The following NCAM2 variants were observed in gnomAD, a reference collection of about 807,000 sequenced individuals.
NCAM2 encodes N-CAM-2.
Under a neutral mutation model 98.1 loss-of-function variants are expected in NCAM2, and 30 were observed. The observed-to-expected ratio is 0.31, with a 90% confidence interval of 0.23 to 0.41. The LOEUF (loss-of-function observed/expected upper bound fraction) is 0.41, where lower values mean the gene tolerates loss of function less well. Ranked by LOEUF, NCAM2 falls within the 10% of genes least tolerant of loss-of-function variation. NCAM2 has a pLI of 1.00. For missense variants in NCAM2, 867 were observed against 1,005.8 expected (o/e 0.86, Z 1.87); for synonymous variants, 368 against 342.4 (o/e 1.07, Z -0.83).
chr21:21,161,832 A>G (rs1387822441), intron 1 of NCAM2, among the ~76,000 whole-genome samples: 2 of 152,010 alleles, frequency 1.3e-5, no homozygotes, highest in Non-Finnish European at 2.9e-5. Context: ...CAGTCGGGCC[A>G]GGGGAAGGCT....
chr21:21,465,548 TTATAA>T (rs145042449), intron 12 of NCAM2, among the ~76,000 whole-genome samples: 6 of 35,802 alleles, frequency 1.7e-4, no homozygotes, highest in African/African-American at 2.9e-4. Flanking sequence ...ATCTAGTAAA[TTATAA>T]TATAATCATT....
chr21:21,358,184 C>T (rs1568975195), intron 8 of NCAM2, among the ~76,000 whole-genome samples: 1 of 152,014 alleles, frequency 6.6e-6, no homozygotes, highest in African/African-American at 2.4e-5. Flanking sequence ...TCTATATTTC[C>T]CTGATATTCT....
At chr21:21,365,475 T>A (rs886540437) in intron 8 of NCAM2, among the ~76,000 whole-genome samples, 1 of 151,856 alleles carries the variant, frequency 6.6e-6, no homozygotes, top group Admixed American at 6.6e-5. Context: ...ATACAAAACA[T>A]ATAGCACTCA....
chr21:21,455,775 A>C (rs1221582541), intron 12 of NCAM2, among the ~76,000 whole-genome samples: 6 of 152,018 alleles, frequency 3.9e-5, no homozygotes, highest in Non-Finnish European at 8.8e-5. Context: ...TGTGTTAAGC[A>C]ACAACAAAGG....
chr21:21,495,370 G>T (rs1364356773), intron 15 of NCAM2, among the ~76,000 whole-genome samples: 1 of 151,788 alleles, frequency 6.6e-6, no homozygotes, highest in Admixed American at 6.6e-5. Context: ...ATTCTTATAT[G>T]GTGTGTGGAA....
chr21:21,174,464 C>G (rs1466160257), intron 1 of NCAM2, among the ~76,000 whole-genome samples: 4 of 152,098 alleles, frequency 2.6e-5, no homozygotes, highest in Non-Finnish European at 5.9e-5. Flanking sequence ...CCTGTATTTT[C>G]TCTAGCAAGC....
intron 1 of NCAM2, among the ~76,000 whole-genome samples, chr21:21,032,338 A>G (rs2064703017): frequency 6.6e-6 from 1 of 152,214 alleles, no homozygotes; most frequent in Non-Finnish European, 1.5e-5. Context: ...AGCCTAATAT[A>G]TAAAATGGCT....
intron 16 of NCAM2, among the ~76,000 whole-genome samples, chr21:21,510,509 A>G: frequency 6.6e-6 from 1 of 152,230 alleles, no homozygotes; most frequent in Non-Finnish European, 1.5e-5. Flanking sequence ...TTGTATTTCA[A>G]GGACTGATGC....
At chr21:21,399,979 T>A (rs2076594291) in intron 9 of NCAM2, among the ~76,000 whole-genome samples, 1 of 152,026 alleles carries the variant, frequency 6.6e-6, no homozygotes, top group African/African-American at 2.4e-5. Flanking sequence ...CAGTACTGAC[T>A]CCAAGTTCAC....
intron 6 of NCAM2, among the ~76,000 whole-genome samples, chr21:21,327,264 C>T (rs1178599598): frequency 1.4e-5 from 2 of 145,914 alleles, no homozygotes; most frequent in East Asian, 4.1e-4. Flanking sequence ...GCTGAGTTCG[C>T]GCCACTACAC....
At chr21:21,180,036 A>G (rs2068419113) in intron 1 of NCAM2, among the ~76,000 whole-genome samples, 2 of 152,180 alleles carry the variant, frequency 1.3e-5, no homozygotes, top group Admixed American at 6.5e-5. Context: ...GCCACTTGCC[A>G]TCTGGGAGAT....
chr21:21,231,962 A>T (rs770220128), intron 1 of NCAM2, among the ~76,000 whole-genome samples: 1 of 151,588 alleles, frequency 6.6e-6, no homozygotes, highest in African/African-American at 2.4e-5. Context: ...CCATTATAAA[A>T]ACCAGCTTTC....
chr21:21,363,227 C>T (rs2075693484), intron 8 of NCAM2, among the ~76,000 whole-genome samples: 1 of 152,066 alleles, frequency 6.6e-6, no homozygotes, highest in Non-Finnish European at 1.5e-5. Flanking sequence ...AATGAAACTG[C>T]ATGCTTTTAT....
intron 1 of NCAM2, among the ~76,000 whole-genome samples, chr21:21,065,788 C>T (rs539945651): frequency 3.1e-4 from 47 of 152,188 alleles, no homozygotes; most frequent in African/African-American, 1.1e-3. Flanking sequence ...TATCCTTAGC[C>T]ATTTACAAAA....
chr21:21,059,161 T>G (rs1311944547), intron 1 of NCAM2, among the ~76,000 whole-genome samples: 1 of 152,088 alleles, frequency 6.6e-6, no homozygotes, highest in Non-Finnish European at 1.5e-5. Flanking sequence ...TTTGCATTTC[T>G]TTATTTTTTG....
chr21:21,526,230 T>G (rs1415644215), intron 16 of NCAM2, among the ~76,000 whole-genome samples: 1 of 151,922 alleles, frequency 6.6e-6, no homozygotes, highest in East Asian at 1.9e-4. Context: ...ATGAAAAAAG[T>G]CTGAAAAAAC....
chr21:21,537,869 A>G lies in NCAM2; in HGVS notation c.2426A>G (p.Asp809Gly), dbSNP rs1569146926. 2 of 1,563,138 alleles carry G rather than the reference A, an allele frequency of 1.3e-6. No homozygotes were observed. Among genetic ancestry groups the G allele is most frequent in the Non-Finnish European group, 1.7e-6 (2 of 1,151,244 alleles). Reference protein sequence around the residue: ...EPEKLPLKEEDGKEALNPETI... With the variant: ...EPEKLPLKEEGGKEALNPETI... ...AGAAAATTGCCTTTAAAGGAAGAAG[A>G]TGGGAAAGAAGCTCTAAATCCAGAA... Residue 809 changes from aspartate (D) to glycine (G), a missense_variant, in exon 18 of 18, where the codon GAT (aspartate) becomes GGT (glycine). Asp to Gly is a moderately conservative substitution (Grantham distance 94, BLOSUM62 -1). Around this residue, in one of 5 missense-constraint regions of NCAM2, gnomAD observed 125 missense variants for 116.1 expected, o/e 1.08. Coordinates refer to ENST00000400546, the MANE Select transcript of NCAM2 (RefSeq NM_004540.5).
At chr21:21,385,929 A>G (rs1382517861) in intron 9 of NCAM2, among the ~76,000 whole-genome samples, 2 of 151,680 alleles carry the variant, frequency 1.3e-5, no homozygotes, top group African/African-American at 4.8e-5. Flanking sequence ...TTTTTTTTCT[A>G]TTTGAGCTTG....
chr21:21,302,441 T>C (rs1306141221), intron 5 of NCAM2, among the ~76,000 whole-genome samples: 2 of 152,154 alleles, frequency 1.3e-5, no homozygotes, highest in African/African-American at 4.8e-5. Flanking sequence ...ATGATTTTTC[T>C]ATTCTGTTCC....
Sources: gnomAD v4.1 joint callset for allele counts (sites outside exome capture counted in the v4.1 genomes callset) on GRCh38, gnomAD v4.1.1 for gene constraint, gnomAD v4.1.1 regional missense constraint, MANE v1.5 for transcripts, NCBI Gene and HGNC (gene_info 2026-07-23, HGNC 2026-07-21) for gene names.